The following WWTR1 variants were observed in gnomAD, a reference collection of about 807,000 sequenced individuals.
WWTR1 encodes the protein WW domain-containing transcription regulator protein 1.
WWTR1 carries 13 observed loss-of-function variants against 40.1 expected under a neutral mutation model. That is an observed-to-expected ratio of 0.32 (90% CI 0.21 to 0.52). The LOEUF is 0.52. Ranked by LOEUF, WWTR1 falls within the 20% of genes least tolerant of loss-of-function variation. The probability of loss-of-function intolerance (pLI) is 0.97; values close to 1 mark genes in which losing one functional copy is unlikely to be tolerated. For missense variants in WWTR1, 436 were observed against 523.1 expected, an observed-to-expected ratio of 0.83 and a Z score of 1.63; for synonymous variants, 230 against 210.1, an observed-to-expected ratio of 1.09 and a Z score of -0.82.
rs1163182320 is a variant in WWTR1, at chr3:149,710,577, C to G, written n.584+6865G>C. Among the ~76,000 whole-genome samples, 14 of 82,598 alleles carry G rather than the reference C, an allele frequency of 1.7e-4. 2 individuals carry two copies. Among genetic ancestry groups the G allele is most frequent in the African/African-American group, 2.8e-4 (6 of 21,406 alleles). 54.2% of individuals were successfully genotyped at this position (82,598 alleles called of 152,430 possible). ...ATTATCATTATCCCCGCCTCCCCCC[C>G]CCCCCTTTTTTTTTTTTTTTGAGAT... On this transcript the variant is annotated intron_variant and non_coding_transcript_variant, in intron 5 of 6. Transcript: ENST00000474080.
intron 4 of WWTR1, among the ~76,000 whole-genome samples, chr3:149,531,083 T>A (rs1270298075): frequency 6.6e-6 from 1 of 152,100 alleles, no homozygotes; most frequent in Non-Finnish European, 1.5e-5. Context: ...TACAGGCATG[T>A]GCCACCACGC....
chr3:149,654,832 G>C (rs1713100551), intron 2 of WWTR1, among the ~76,000 whole-genome samples: 1 of 152,134 alleles, frequency 6.6e-6, no homozygotes, highest in Non-Finnish European at 1.5e-5. Context: ...TAGAAATCAT[G>C]TAGGGCTGGG....
At chr3:149,529,198 G>A (rs545553254) in intron 4 of WWTR1, among the ~76,000 whole-genome samples, 88 of 152,232 alleles carry the variant, frequency 5.8e-4, no homozygotes, top group African/African-American at 2.0e-3. Context: ...TGGTCTCACT[G>A]TCCCTCAAAC....
At chr3:149,601,618 C>T (rs1739244303) in intron 2 of WWTR1, among the ~76,000 whole-genome samples, 1 of 152,128 alleles carries the variant, frequency 6.6e-6, no homozygotes, top group South Asian at 2.1e-4. Context: ...AAAAACCAAC[C>T]TAAAAAACCC....
intron 3 of WWTR1, among the ~76,000 whole-genome samples, chr3:149,565,518 G>A (rs948732079): frequency 3.3e-5 from 5 of 151,960 alleles, no homozygotes; most frequent in Admixed American, 3.3e-4. Flanking sequence ...ATGCTATTAT[G>A]TCCTGCTTTA....
chr3:149,666,632 C>T (rs561993823), intron 2 of WWTR1, among the ~76,000 whole-genome samples: 4 of 152,252 alleles, frequency 2.6e-5, no homozygotes, highest in African/African-American at 7.2e-5. Context: ...CAGTCACACA[C>T]GAATCTCATA....
At chr3:149,655,158 T>C (rs557916084) in intron 2 of WWTR1, among the ~76,000 whole-genome samples, 1 of 138,006 alleles carries the variant, frequency 7.2e-6, no homozygotes, top group South Asian at 2.4e-4. Context: ...AAAGAAATCA[T>C]GTAGGGCTGG....
chr3:149,584,666 C>A (rs1738327740), intron 2 of WWTR1, among the ~76,000 whole-genome samples: 1 of 152,134 alleles, frequency 6.6e-6, no homozygotes, highest in Non-Finnish European at 1.5e-5. Context: ...CATTTCAAAC[C>A]CAGCCTACAA....
intron 3 of WWTR1, among the ~76,000 whole-genome samples, chr3:149,543,055 C>T (rs1470016746): frequency 1.3e-5 from 2 of 152,154 alleles, no homozygotes; most frequent in East Asian, 3.8e-4. Context: ...CTCCATTAAT[C>T]CTTTGTTTGA....
chr3:149,606,053 T>G (rs1490888116), intron 2 of WWTR1, among the ~76,000 whole-genome samples: 3 of 152,196 alleles, frequency 2.0e-5, no homozygotes, highest in African/African-American at 7.2e-5. Context: ...CAGAGAGAGC[T>G]TGTTTATCCC....
intron 2 of WWTR1, among the ~76,000 whole-genome samples, chr3:149,578,160 T>C (rs1737976919): frequency 1.3e-5 from 2 of 152,112 alleles, no homozygotes; most frequent in South Asian, 4.1e-4. Flanking sequence ...AGCAGCCTAC[T>C]GCCAGACTCT....
chr3:149,667,473 A>C (rs896844203), intron 2 of WWTR1, among the ~76,000 whole-genome samples: 4 of 151,646 alleles, frequency 2.6e-5, no homozygotes, highest in Non-Finnish European at 5.9e-5. Context: ...GCGTGAACCC[A>C]GGAGGTGGAG....
At chr3:149,711,161 TAA>T (rs1237527926) in intron 5 of WWTR1, among the ~76,000 whole-genome samples, 16 of 114,906 alleles carry the variant, frequency 1.4e-4, no homozygotes, top group Admixed American at 4.7e-4. Context: ...ACACACTTGC[TAA>T]AAAAAAAAAA....
chr3:149,621,442 G>GAGA (rs556903940), intron 2 of WWTR1, among the ~76,000 whole-genome samples: 55 of 152,170 alleles, frequency 3.6e-4, no homozygotes, highest in African/African-American at 1.3e-3. Context: ...ATAAGGCCCC[G>GAGA]AGAGCAAGAG....
chr3:149,526,480 A>G lies in WWTR1; in HGVS notation c.906-355T>C, dbSNP rs192763762. Among the ~76,000 whole-genome samples the G allele has an allele frequency of 3.9e-5, 6 of 152,306 alleles. No homozygotes were observed. The East Asian group carries it at 7.7e-4, about 20-fold the overall frequency. ...CATACACTAACGGGCAGTAAGGGGT[A>G]TAAAAGTCTGTGTGATGGACACACG... On this transcript the variant is annotated intron_variant, in intron 5 of 6. Coordinates refer to ENST00000360632, the MANE Select transcript of WWTR1 (RefSeq NM_015472.6).
intron 2 of WWTR1, among the ~76,000 whole-genome samples, chr3:149,586,302 C>T (rs1316245393): frequency 6.6e-6 from 1 of 151,670 alleles, no homozygotes; most frequent in Non-Finnish European, 1.5e-5. Context: ...AGAATAATCA[C>T]TTGTTTCTAA....
At chr3:149,660,126 G>A (rs1320624401), upstream of WWTR1, 1 of 152,128 alleles carries the variant, frequency 6.6e-6, no homozygotes, top group Non-Finnish European at 1.5e-5. Context: ...GTCACTCCTT[G>A]GAAAGTAGAA....
chr3:149,556,667 G>A (rs1261632338), intron 3 of WWTR1, among the ~76,000 whole-genome samples: 1 of 152,164 alleles, frequency 6.6e-6, no homozygotes, highest in East Asian at 1.9e-4. Flanking sequence ...GCCCTGTAAA[G>A]TGGTTCAGGA....
intron 4 of WWTR1, among the ~76,000 whole-genome samples, chr3:149,717,938 G>GTAT (rs913737151): frequency 2.0e-4 from 30 of 151,618 alleles, no homozygotes; most frequent in African/African-American, 6.8e-4. Flanking sequence ...AATAAAACAG[G>GTAT]TATTATTATT....
Sources: allele counts gnomAD v4.1 joint callset (sites outside exome capture counted in the v4.1 genomes callset), GRCh38; gene constraint gnomAD v4.1.1; transcripts MANE v1.5; gene names NCBI Gene and HGNC (gene_info 2026-07-23, HGNC 2026-07-21).